Variants in FBXW7 observed in about 807,000 individuals in gnomAD.
FBXW7 encodes F-box and WD repeat domain containing 7.
Under a neutral mutation model 86.3 loss-of-function variants are expected in FBXW7, and 11 were observed. That is an observed-to-expected ratio of 0.13 (90% CI 0.08 to 0.21). The LOEUF is 0.21. FBXW7 is among the 10% of genes least tolerant of loss of function. FBXW7 has a pLI of 1.00. For missense variants in FBXW7, 488 were observed against 847.4 expected, an observed-to-expected ratio of 0.58 and a Z score of 5.27; for synonymous variants, 313 against 297.9, an observed-to-expected ratio of 1.05 and a Z score of -0.52.
chr4:152,360,604 C>T (rs1185113417), intron 4 of FBXW7, among the ~76,000 whole-genome samples: 1 of 151,956 alleles, frequency 6.6e-6, no homozygotes, highest in East Asian at 1.9e-4. Context: ...AGACTCAAAG[C>T]CTCTTTTCTA....
At chr4:152,466,380 C>T (rs868016450) in intron 2 of FBXW7, among the ~76,000 whole-genome samples, 4 of 151,584 alleles carry the variant, frequency 2.6e-5, no homozygotes, top group South Asian at 4.2e-4. Context: ...CATGGTGAAA[C>T]CCCGTCTCTT....
intron 2 of FBXW7, among the ~76,000 whole-genome samples, chr4:152,521,051 A>G (rs2149730408): frequency 6.6e-6 from 1 of 151,774 alleles, no homozygotes; most frequent in Non-Finnish European, 1.5e-5. Flanking sequence ...AAAGCTTTCC[A>G]GTTTTTTGTC....
chr4:152,373,114 C>T (rs1001907155), intron 4 of FBXW7, among the ~76,000 whole-genome samples: 3 of 152,012 alleles, frequency 2.0e-5, no homozygotes, highest in Non-Finnish European at 2.9e-5. Flanking sequence ...AGATCCGTTT[C>T]CTGCAGTGGC....
In FBXW7 at chr4:152,535,835, T is replaced by TGGCTCCGGCTCC. The variant is rs959826498; in HGVS notation, c.-933_-922dup. The stretch of plus-strand genomic sequence containing the variant: ...CCGGCTCAGGCTCGGGCTCCGGCTC[T>TGGCTCCGGCTCC]GGCTCCGGCTCCGGCGTGTGCAGCC... On this transcript the variant is annotated 5_prime_UTR_variant, in exon 1 of 14. Coordinates refer to ENST00000281708, the MANE Select transcript of FBXW7 (RefSeq NM_001349798.2). The TGGCTCCGGCTCC allele has an allele frequency of 4.4e-5, 17 of 386,646 alleles. No individual in the cohort carries two copies. The highest frequency in any genetic ancestry group is 1.4e-4 in the Admixed American group (3 of 22,106). 24.0% of individuals were successfully genotyped at this position (386,646 alleles called of 1,614,324 possible).
chr4:152,368,876 T>C (rs1205247328), intron 4 of FBXW7, among the ~76,000 whole-genome samples: 1 of 152,138 alleles, frequency 6.6e-6, no homozygotes, highest in East Asian at 1.9e-4. Context: ...TATGCTTTTC[T>C]TCATGTAGGG....
At chr4:152,340,625 C>CAA (rs1179678625) in intron 6 of FBXW7, among the ~76,000 whole-genome samples, 2 of 144,076 alleles carry the variant, frequency 1.4e-5, no homozygotes, top group Non-Finnish European at 3.1e-5. Flanking sequence ...AGACGAGTAG[C>CAA]AATAGAAAAT....
intron 2 of FBXW7, among the ~76,000 whole-genome samples, chr4:152,492,156 G>A (rs1745920894): frequency 6.6e-6 from 1 of 152,094 alleles, no homozygotes; most frequent in Admixed American, 6.5e-5. Context: ...ACAGTATCAT[G>A]TCCAGCTTCC....
chr4:152,480,199 C>T (rs1055998987), intron 2 of FBXW7, among the ~76,000 whole-genome samples: 17 of 152,208 alleles, frequency 1.1e-4, no homozygotes, highest in African/African-American at 2.9e-4. Flanking sequence ...GTCTCAGTAT[C>T]ACATTTTAGT....
intron 2 of FBXW7, among the ~76,000 whole-genome samples, chr4:152,454,262 C>CCT (rs71596291): frequency 7.0e-5 from 8 of 113,720 alleles, no homozygotes; most frequent in African/African-American, 1.3e-4. Flanking sequence ...CCCCCCCCCC[C>CCT]TTTTTTTTTT....
At chr4:152,467,741 G>C (rs1467628315) in intron 2 of FBXW7, among the ~76,000 whole-genome samples, 1 of 152,092 alleles carries the variant, frequency 6.6e-6, no homozygotes, top group Admixed American at 6.5e-5. Context: ...ATAGACCCAG[G>C]CTATCAGTGA....
chr4:152,507,578 C>T (rs537511870), intron 2 of FBXW7, among the ~76,000 whole-genome samples: 17 of 152,272 alleles, frequency 1.1e-4, no homozygotes, highest in African/African-American at 3.4e-4. Context: ...TCATCTAACA[C>T]GGTTCTAAGA....
Position 152,330,880 on chromosome 4 carries a change from C to T in FBXW7, c.986-12G>A. The T allele has an allele frequency of 1.2e-6, 2 of 1,609,324 alleles. No homozygotes were observed. The highest frequency in any genetic ancestry group is 1.7e-6 in the Non-Finnish European group (2 of 1,177,418). Reference sequence around the variant, plus strand: ...TGGTTCATCAATCCCTAAAGTGTTACAGTTCAAGAGTAAATTGCCTTCACC... The same window carrying T: ...TGGTTCATCAATCCCTAAAGTGTTATAGTTCAAGAGTAAATTGCCTTCACC... On this transcript the variant is annotated splice_polypyrimidine_tract_variant and intron_variant, in intron 8 of 13. Coordinates refer to ENST00000281708, the MANE Select transcript of FBXW7 (RefSeq NM_001349798.2).
chr4:152,345,606 C>T (rs950556673), intron 6 of FBXW7, among the ~76,000 whole-genome samples: 10 of 151,948 alleles, frequency 6.6e-5, no homozygotes, highest in African/African-American at 1.2e-4. Context: ...TTTGTCTCAA[C>T]GCGGGGAAAA....
intron 4 of FBXW7, among the ~76,000 whole-genome samples, chr4:152,393,861 T>C (rs1404353727): frequency 6.6e-6 from 1 of 152,126 alleles, no homozygotes; most frequent in Non-Finnish European, 1.5e-5. Context: ...CAAGGTACGT[T>C]TGAATAAAAC....
At chr4:152,395,529 AGT>A (rs1736348518) in intron 4 of FBXW7, among the ~76,000 whole-genome samples, 1 of 152,130 alleles carries the variant, frequency 6.6e-6, no homozygotes, top group East Asian at 1.9e-4. Context: ...TCCTTGTGGA[AGT>A]TGGATACTCA....
chr4:152,425,306 T>C (rs969683825), intron 2 of FBXW7, among the ~76,000 whole-genome samples: 1 of 152,298 alleles, frequency 6.6e-6, no homozygotes, highest in African/African-American at 2.4e-5. Flanking sequence ...AGCAATTCCA[T>C]ACCCCACAAT....
chr4:152,472,207 A>C (rs1339969076), intron 2 of FBXW7, among the ~76,000 whole-genome samples: 2 of 152,200 alleles, frequency 1.3e-5, no homozygotes, highest in African/African-American at 4.8e-5. Context: ...AATGTATAAT[A>C]ATATAATACA....
chr4:152,334,539 C>G (rs902436310), intron 7 of FBXW7, among the ~76,000 whole-genome samples: 20 of 152,126 alleles, frequency 1.3e-4, no homozygotes, highest in Non-Finnish European at 1.3e-4. Flanking sequence ...CTATTCTTTT[C>G]TTTGCTTTCG....
intron 6 of FBXW7, among the ~76,000 whole-genome samples, chr4:152,343,395 T>C (rs1212420952): frequency 2.0e-5 from 3 of 152,288 alleles, no homozygotes; most frequent in South Asian, 2.1e-4. Context: ...CTAACATTTA[T>C]TGAGTCTCCA....
Sources: allele counts gnomAD v4.1 joint callset (sites outside exome capture counted in the v4.1 genomes callset), GRCh38; gene constraint gnomAD v4.1.1; transcripts MANE v1.5; gene names NCBI Gene and HGNC (gene_info 2026-07-23, HGNC 2026-07-21).